The following ZNF704 variants were observed in gnomAD, a reference collection of about 807,000 sequenced individuals.
ZNF704 encodes the protein zinc finger protein 704.
ZNF704 carries 10 observed loss-of-function variants against 44.7 expected under a neutral mutation model. The observed-to-expected ratio is 0.22, with a 90% CI of 0.14 to 0.38. The LOEUF is 0.38. Among genes scored for constraint, ZNF704 ranks in the 10% least tolerant of loss-of-function variants. ZNF704 has a pLI of 1.00. For missense variants in ZNF704, 390 were observed against 545.5 expected, an observed-to-expected ratio of 0.71 and a Z score of 2.84; for synonymous variants, 211 against 207.6, an observed-to-expected ratio of 1.02 and a Z score of -0.14.
chr8:80,747,835 G>C (rs934704161), intron 2 of ZNF704, among the ~76,000 whole-genome samples: 13 of 152,178 alleles, frequency 8.5e-5, no homozygotes, highest in African/African-American at 2.9e-4. Context: ...CCCTGCTTCA[G>C]CATCCTGACT....
At chr8:80,699,351 ATTTCT>A (rs1236737866) in intron 2 of ZNF704, among the ~76,000 whole-genome samples, 2 of 152,170 alleles carry the variant, frequency 1.3e-5, no homozygotes, top group East Asian at 3.8e-4. Context: ...TTTAGCTGCT[ATTTCT>A]TTTAAGACTA....
chr8:80,849,321 T>C (rs1418074389), intron 1 of ZNF704, among the ~76,000 whole-genome samples: 1 of 152,180 alleles, frequency 6.6e-6, no homozygotes, highest in African/African-American at 2.4e-5. Context: ...TTATGGGTGG[T>C]AGGTTGACCA....
chr8:80,828,691 C>T (rs575235159), intron 1 of ZNF704, among the ~76,000 whole-genome samples: 3 of 152,266 alleles, frequency 2.0e-5, no homozygotes, highest in Admixed American at 6.5e-5. Context: ...AGGCCATAAG[C>T]ATAAATCATT....
At chr8:80,847,609 T>A (rs1242392255) in intron 1 of ZNF704, among the ~76,000 whole-genome samples, 1 of 152,160 alleles carries the variant, frequency 6.6e-6, no homozygotes, top group Non-Finnish European at 1.5e-5. Context: ...GATGGTATGG[T>A]ACCAGCAGAG....
chr8:80,667,285 G>A (rs79647443), intron 5 of ZNF704, among the ~76,000 whole-genome samples: 1 of 152,316 alleles, frequency 6.6e-6, no homozygotes, highest in East Asian at 1.9e-4. Flanking sequence ...GAAGCCACTG[G>A]GGGTTTTCAG....
chr8:80,696,361 C>T (rs569165588), intron 2 of ZNF704, among the ~76,000 whole-genome samples: 14 of 152,296 alleles, frequency 9.2e-5, no homozygotes, highest in African/African-American at 2.9e-4. Context: ...TTTAAAAATA[C>T]AGGTTGAGTA....
intron 2 of ZNF704, among the ~76,000 whole-genome samples, chr8:80,709,435 T>C (rs1585971620): frequency 1.1e-5 from 1 of 90,236 alleles, no homozygotes; most frequent in African/African-American, 4.6e-5. Context: ...AGTGCGAGAC[T>C]CCATCTCAAA....
intron 5 of ZNF704, among the ~76,000 whole-genome samples, chr8:80,667,076 A>G (rs931339109): frequency 8.5e-5 from 13 of 152,150 alleles, no homozygotes; most frequent in Non-Finnish European, 1.9e-4. Context: ...TGAGGGAGAC[A>G]CCATGCTGGC....
At chr8:80,878,155 G>C (rs1037361000), upstream of ZNF704, among the ~76,000 whole-genome samples, 8 of 151,960 alleles carry the variant, frequency 5.3e-5, no homozygotes, top group African/African-American at 1.9e-4. Context: ...GCTCCTGTCT[G>C]GTTTCTTCAG....
At chr8:80,658,500 G>A (rs1038560933) in intron 7 of ZNF704, among the ~76,000 whole-genome samples, 1 of 151,974 alleles carries the variant, frequency 6.6e-6, no homozygotes, top group Non-Finnish European at 1.5e-5. Flanking sequence ...CTCTTCTAAC[G>A]TCTACTAACA....
chr8:80,727,117 C>T (rs1218354567), intron 2 of ZNF704, among the ~76,000 whole-genome samples: 1 of 152,152 alleles, frequency 6.6e-6, no homozygotes, highest in Non-Finnish European at 1.5e-5. Flanking sequence ...GGAATACAAA[C>T]TTAGGTTGCC....
chr8:80,685,373 TGTGAGTCCTTGTCACAACCCTGGGCC>T lies in ZNF704; in HGVS notation c.558+1827_558+1852del, dbSNP rs1039453896. Among the ~76,000 whole-genome samples the T allele has an allele frequency of 3.9e-5, 6 of 152,206 alleles. No individual in the cohort carries two copies. The South Asian group carries it at 6.3e-4, about 16-fold the overall frequency. On this transcript the variant is annotated intron_variant, in intron 4 of 8. Coordinates refer to ENST00000327835, the MANE Select transcript of ZNF704 (RefSeq NM_001033723.3). ...TAAATAACATTGGGGTTCCCTGTACTGTGAGTCCTTGTCACAACCCTGGGCCGTGAGTCCTTGTCACAACCCTGGGC... is the reference window on the plus strand; with the variant it reads ...TAAATAACATTGGGGTTCCCTGTACTGTGAGTCCTTGTCACAACCCTGGGC...
chr8:80,683,492 T>C (rs1563517585), intron 4 of ZNF704, among the ~76,000 whole-genome samples: 2 of 152,188 alleles, frequency 1.3e-5, no homozygotes, highest in Non-Finnish European at 2.9e-5. Context: ...TTATTTTCTC[T>C]CCACGTTTTT....
chr8:80,775,922 T>G (rs556269264), intron 2 of ZNF704, among the ~76,000 whole-genome samples: 4 of 152,218 alleles, frequency 2.6e-5, no homozygotes, highest in Non-Finnish European at 5.9e-5. Flanking sequence ...ATATTTATCC[T>G]AGTGATAAAG....
At chr8:80,683,156 A>G (rs573270944) in intron 4 of ZNF704, among the ~76,000 whole-genome samples, 1 of 152,216 alleles carries the variant, frequency 6.6e-6, no homozygotes, top group Non-Finnish European at 1.5e-5. Flanking sequence ...CCCCAAAGTC[A>G]AGAGTCCTGG....
chr8:80,822,271 CCG>C (rs747390195), intron 1 of ZNF704, among the ~76,000 whole-genome samples: 5,038 of 145,662 alleles, frequency 0.035, 230 homozygotes, highest in African/African-American at 0.13. Context: ...CCCTTCCCCC[CCG>C]CCCCCAACCC....
intron 4 of ZNF704, among the ~76,000 whole-genome samples, chr8:80,685,389 A>C (rs1348278699): frequency 6.6e-6 from 1 of 152,078 alleles, no homozygotes; most frequent in Non-Finnish European, 1.5e-5. Context: ...TCCTTGTCAC[A>C]ACCCTGGGCC....
At chr8:80,824,973 C>A (rs1304145542) in intron 1 of ZNF704, among the ~76,000 whole-genome samples, 1 of 152,088 alleles carries the variant, frequency 6.6e-6, no homozygotes, top group Non-Finnish European at 1.5e-5. Context: ...CAAAAACATG[C>A]CAAATTGTAA....
chr8:80,682,909 A>C (rs879789487), intron 4 of ZNF704, among the ~76,000 whole-genome samples: 2 of 152,188 alleles, frequency 1.3e-5, no homozygotes, highest in Non-Finnish European at 2.9e-5. Context: ...GTAAGTCCTA[A>C]AGCTGGCATG....
Sources: gnomAD v4.1 joint callset for allele counts (sites outside exome capture counted in the v4.1 genomes callset) on GRCh38, gnomAD v4.1.1 for gene constraint, MANE v1.5 for transcripts, NCBI Gene and HGNC (gene_info 2026-07-23, HGNC 2026-07-21) for gene names.